The following CUL3 variants were observed in gnomAD, a reference collection of about 807,000 sequenced individuals.
CUL3 encodes the protein cullin-3.
CUL3 carries 19 observed loss-of-function variants against 89.1 expected under a neutral mutation model. The observed-to-expected ratio is 0.21, with a 90% CI of 0.15 to 0.31. The LOEUF (loss-of-function observed/expected upper bound fraction) is 0.31, where lower values mean the gene tolerates loss of function less well. Among genes scored for constraint, CUL3 ranks in the 10% least tolerant of loss-of-function variants. CUL3 has a pLI of 1.00. For missense variants in CUL3, 469 were observed against 942.3 expected, an observed-to-expected ratio of 0.50 and a Z score of 6.58; for synonymous variants, 351 against 308.4, an observed-to-expected ratio of 1.14 and a Z score of -1.45.
At chr2:224,498,656 G>A (rs3768892) in intron 11 of CUL3, among the ~76,000 whole-genome samples, 28,103 of 152,074 alleles carry the variant, frequency 0.18, 2,945 homozygotes, top group South Asian at 0.27. Flanking sequence ...TGTTATCTGT[G>A]TGCATGTCTA....
chr2:224,510,536 T>C (rs185402588), intron 6 of CUL3, among the ~76,000 whole-genome samples: 1 of 152,240 alleles, frequency 6.6e-6, no homozygotes, highest in East Asian at 1.9e-4. Flanking sequence ...GTATTTCTTT[T>C]ACTAAAAAGA....
At chr2:224,475,164 C>T (rs12986662) in intron 15 of CUL3, among the ~76,000 whole-genome samples, 28,066 of 151,912 alleles carry the variant, frequency 0.18, 2,945 homozygotes, top group South Asian at 0.27. Flanking sequence ...ACTACAGGCG[C>T]CCACCACCAC....
At chr2:224,570,683 C>A (rs1389904296) in intron 1 of CUL3, among the ~76,000 whole-genome samples, 5 of 152,174 alleles carry the variant, frequency 3.3e-5, no homozygotes, top group Admixed American at 1.3e-4. Context: ...AAAAGCACAG[C>A]AGCATGGGAC....
chr2:224,473,045 G>C lies in CUL3; in HGVS notation c.*1200C>G, dbSNP rs1224968100. 2.0e-5 allele frequency: 4 copies of C among 198,436 alleles called. No individual in the cohort carries two copies. The highest frequency in any genetic ancestry group is 9.2e-5 in the African/African-American group (4 of 43,386). The allele number at this position is 198,436 out of a possible 1,614,324, so 12.3% of individuals were successfully genotyped here. ...TCTGGAAGCACAGGATATCTGACAA[G>C]AATCTTCAGCACAAAGCACATGTTT... On this transcript the variant is annotated 3_prime_UTR_variant, in exon 16 of 16. Transcript: ENST00000264414.
At chr2:224,576,642 T>G (rs1695304073) in intron 1 of CUL3, among the ~76,000 whole-genome samples, 2 of 131,992 alleles carry the variant, frequency 1.5e-5, no homozygotes, top group African/African-American at 5.6e-5. Context: ...TGGCATAAGC[T>G]TTGGACAGGG....
At chr2:224,519,395 C>A (rs766235017) in intron 3 of CUL3, among the ~76,000 whole-genome samples, 7 of 152,006 alleles carry the variant, frequency 4.6e-5, no homozygotes, top group Non-Finnish European at 1.0e-4. Flanking sequence ...ACAAAATCAA[C>A]CTGAAGCTGG....
At chr2:224,552,631 C>A (rs746425865) in intron 2 of CUL3, among the ~76,000 whole-genome samples, 8 of 152,200 alleles carry the variant, frequency 5.3e-5, no homozygotes, top group African/African-American at 1.4e-4. Context: ...TGTTCACTAT[C>A]CTCACCTTGA....
intron 2 of CUL3, among the ~76,000 whole-genome samples, chr2:224,553,415 A>G (rs932626418): frequency 1.3e-5 from 2 of 152,234 alleles, no homozygotes; most frequent in Non-Finnish European, 2.9e-5. Context: ...GACTATGTAT[A>G]AGGAAAGTAA....
At chr2:224,547,164 T>A (rs1489396219) in intron 2 of CUL3, among the ~76,000 whole-genome samples, 2 of 152,162 alleles carry the variant, frequency 1.3e-5, no homozygotes, top group Non-Finnish European at 2.9e-5. Context: ...TCTTCTCCAC[T>A]GCAGTCAGCC....
intron 15 of CUL3, among the ~76,000 whole-genome samples, chr2:224,476,318 G>A (rs1336902163): frequency 6.6e-6 from 1 of 152,048 alleles, no homozygotes; most frequent in Non-Finnish European, 1.5e-5. Flanking sequence ...CGAGTCACAC[G>A]CATTTATGTA....
chr2:224,503,694 A>G lies in CUL3; in HGVS notation c.1335T>C (p.Ser445=), dbSNP rs1692485522. Residue 445 remains serine (S), a synonymous_variant, in exon 9 of 16, where the codon AGT becomes AGC. Transcript: ENST00000264414. ...TGTTTTTTTCAGAGTCATCAGAAAC[A>G]CTTTTATTTGTGAGAAGTCTCCTTG... ...HLARRLLTNK[S]VSDDSEKNMI... 6.2e-7 allele frequency: 1 copy of G among 1,600,078 alleles called. No individual in the cohort carries two copies. Among genetic ancestry groups the G allele is most frequent in the Non-Finnish European group, 8.5e-7 (1 of 1,176,240 alleles).
At chr2:224,572,197 G>T (rs1445320070) in intron 1 of CUL3, among the ~76,000 whole-genome samples, 2 of 152,154 alleles carry the variant, frequency 1.3e-5, no homozygotes, top group African/African-American at 4.8e-5. Flanking sequence ...ATTCAAGTCA[G>T]GAGTGTATCC....
At chr2:224,491,265 C>T (rs1321839820) in intron 13 of CUL3, among the ~76,000 whole-genome samples, 1 of 152,114 alleles carries the variant, frequency 6.6e-6, no homozygotes, top group Non-Finnish European at 1.5e-5. Flanking sequence ...CATTTGGGTA[C>T]ATTTACCCTT....
At chr2:224,542,503 GTGTGTGTGTGTA>G (rs753122114) in intron 2 of CUL3, among the ~76,000 whole-genome samples, 99 of 150,910 alleles carry the variant, frequency 6.6e-4, no homozygotes, top group Non-Finnish European at 1.2e-3. Flanking sequence ...TTTTGTGTGT[GTGTGTGTGTGTA>G]TGTGTGTGTG....
intron 4 of CUL3, 92 bp from the exon 5 acceptor site, chr2:224,513,730 G>A (rs899718263): frequency 4.6e-6 from 4 of 868,328 alleles, no homozygotes; most frequent in African/African-American, 3.4e-5. Context: ...AATATCTTCA[G>A]GACATTTAAC....
chr2:224,566,182 A>G (rs1695036457), intron 1 of CUL3, among the ~76,000 whole-genome samples: 1 of 152,222 alleles, frequency 6.6e-6, no homozygotes, highest in Non-Finnish European at 1.5e-5. Flanking sequence ...TGCATTGTCC[A>G]GTAGAAAAAA....
intron 1 of CUL3, among the ~76,000 whole-genome samples, chr2:224,569,107 G>C (rs772995266): frequency 5.3e-5 from 8 of 152,128 alleles, no homozygotes; most frequent in Non-Finnish European, 7.4e-5. Flanking sequence ...TTTTTTAAAA[G>C]AGAAGTAACA....
At chr2:224,577,074 C>A (rs1274265546) in intron 1 of CUL3, among the ~76,000 whole-genome samples, 1 of 152,190 alleles carries the variant, frequency 6.6e-6, no homozygotes, top group Non-Finnish European at 1.5e-5. Context: ...TTCGATGTAA[C>A]TGCTTGCAAA....
chr2:224,563,221 A>G (rs1694956927), intron 1 of CUL3: 1 of 470,802 alleles, frequency 2.1e-6, no homozygotes, highest in Non-Finnish European at 4.4e-6. Flanking sequence ...TTCTTTTAGA[A>G]AACATTATTC....
Sources: gnomAD v4.1 joint callset for allele counts (sites outside exome capture counted in the v4.1 genomes callset) on GRCh38, gnomAD v4.1.1 for gene constraint, MANE v1.5 for transcripts, NCBI Gene and HGNC (gene_info 2026-07-23, HGNC 2026-07-21) for gene names.